Variants in CDH13 observed in about 807,000 individuals in gnomAD.
CDH13 encodes the protein cadherin 13.
Under a neutral mutation model 63.8 loss-of-function variants are expected in CDH13, and 24 were observed. That is an observed-to-expected ratio of 0.38 (90% CI 0.27 to 0.53). CDH13 has a LOEUF of 0.53. Among genes scored for constraint, CDH13 ranks in the 20% least tolerant of loss-of-function variants. CDH13 has a pLI of 0.85. For missense variants in CDH13, 1,049 were observed against 903.1 expected (o/e 1.16, Z -2.07); for synonymous variants, 503 against 355.3 (o/e 1.42, Z -4.67).
chr16:83,588,186 G>A (rs959247805), intron 7 of CDH13, among the ~76,000 whole-genome samples: 4 of 152,110 alleles, frequency 2.6e-5, no homozygotes, highest in African/African-American at 9.7e-5. Context: ...AAAGGAGAAG[G>A]ACCTTCCCTG....
intron 2 of CDH13, among the ~76,000 whole-genome samples, chr16:82,888,607 T>C (rs1003603231): frequency 6.6e-6 from 1 of 152,174 alleles, no homozygotes; most frequent in East Asian, 1.9e-4. Flanking sequence ...TCAGAAAAGC[T>C]TGGAGGAAGA....
intron 5 of CDH13, among the ~76,000 whole-genome samples, chr16:83,279,842 A>ATTT (rs35396123): frequency 0.037 from 5,513 of 149,936 alleles, 339 homozygotes; most frequent in African/African-American, 0.13. Flanking sequence ...GAGTCACATG[A>ATTT]TTTTTTTTTT....
At chr16:83,631,386 T>C (rs910957230) in intron 8 of CDH13, among the ~76,000 whole-genome samples, 1 of 152,204 alleles carries the variant, frequency 6.6e-6, no homozygotes, top group African/African-American at 2.4e-5. Flanking sequence ...GTGGCCCTGT[T>C]GCTTGGAGAA....
chr16:83,497,899 G>A (rs924554992), intron 7 of CDH13, among the ~76,000 whole-genome samples: 3 of 152,146 alleles, frequency 2.0e-5, no homozygotes, highest in Non-Finnish European at 4.4e-5. Context: ...TCACCTTGAA[G>A]TTTGATTATA....
intron 1 of CDH13, among the ~76,000 whole-genome samples, chr16:82,677,971 A>T (rs1597298119): frequency 6.6e-6 from 1 of 152,226 alleles, no homozygotes; most frequent in East Asian, 1.9e-4. Flanking sequence ...GATATGATCC[A>T]GAAAATCTAT....
At position 83,434,077 on chromosome 16, in the gene CDH13, C is replaced by G. The variant is rs576239407; in HGVS notation, c.782-52400C>G. ...AAGTGCAGTACAAGGCTCATTACTC[C>G]AGTGCAGAATAAATTGTCCAAAGTA... On this transcript the variant is annotated intron_variant, in intron 6 of 13. Coordinates refer to ENST00000567109, the MANE Select transcript of CDH13 (RefSeq NM_001257.5). 2.6e-5 allele frequency among the ~76,000 whole-genome samples: 4 copies of G among 152,196 alleles called. No homozygotes were observed. In the South Asian group the frequency reaches 8.3e-4, roughly 32 times the overall value.
chr16:82,781,617 T>C (rs2035757894), intron 1 of CDH13, among the ~76,000 whole-genome samples: 1 of 152,146 alleles, frequency 6.6e-6, no homozygotes, highest in South Asian at 2.1e-4. Flanking sequence ...TCTATCCATC[T>C]ACCCATCCAT....
In CDH13 at chr16:83,341,994, CACA is replaced by C. The variant is rs778681547; in HGVS notation, c.637-2867_637-2865del. 1.6e-3 allele frequency among the ~76,000 whole-genome samples: 204 copies of C among 126,560 alleles called. 1 individual carries two copies. The highest frequency in any genetic ancestry group is 0.012 in the East Asian group (41 of 3,412). The allele number at this position is 126,560 out of a possible 152,430, so 83.0% of individuals were successfully genotyped here. A position where few individuals can be genotyped will look rare whatever the true frequency, so the allele number is the denominator to read the frequency against. On this transcript the variant is annotated intron_variant, in intron 5 of 13. Coordinates refer to ENST00000567109, the MANE Select transcript of CDH13 (RefSeq NM_001257.5). ...TTTTGAATAGGTGTCCCCTGCCACA[CACA>C]CACACACACACACACACACACACAC...
chr16:83,086,992 A>C (rs1025531201), intron 3 of CDH13, among the ~76,000 whole-genome samples: 4 of 152,252 alleles, frequency 2.6e-5, no homozygotes, highest in African/African-American at 9.6e-5. Context: ...ACTTCCTGTC[A>C]AAAATACACA....
At chr16:82,861,502 A>G (rs2039944815) in intron 2 of CDH13, among the ~76,000 whole-genome samples, 1 of 152,060 alleles carries the variant, frequency 6.6e-6, no homozygotes. Flanking sequence ...GGTTATGGGG[A>G]ATGTTTATTC....
At chr16:83,492,921 C>G (rs546903753) in intron 7 of CDH13, among the ~76,000 whole-genome samples, 1 of 152,162 alleles carries the variant, frequency 6.6e-6, no homozygotes, top group Non-Finnish European at 1.5e-5. Flanking sequence ...AAGCTAAGAC[C>G]GTGGCTAGTC....
At chr16:83,087,999 G>T (rs534818325) in intron 3 of CDH13, among the ~76,000 whole-genome samples, 3 of 152,254 alleles carry the variant, frequency 2.0e-5, no homozygotes, top group African/African-American at 7.2e-5. Context: ...AGCCTTCAGC[G>T]GCTACATTTG....
At chr16:83,200,432 T>G (rs1248274650) in intron 4 of CDH13, among the ~76,000 whole-genome samples, 1 of 152,168 alleles carries the variant, frequency 6.6e-6, no homozygotes, top group Non-Finnish European at 1.5e-5. Context: ...ATTCAACCAC[T>G]TACTGGGTTG....
chr16:83,499,832 C>T (rs773719799), intron 7 of CDH13, among the ~76,000 whole-genome samples: 2 of 151,462 alleles, frequency 1.3e-5, no homozygotes, highest in Non-Finnish European at 2.9e-5. Flanking sequence ...GACGAAGTCT[C>T]GCTATTATTG....
intron 5 of CDH13, among the ~76,000 whole-genome samples, chr16:83,233,354 C>A (rs1199556860): frequency 1.3e-5 from 2 of 152,276 alleles, no homozygotes; most frequent in East Asian, 3.9e-4. Flanking sequence ...CTTGGCTAGT[C>A]CTTCACAGAT....
intron 3 of CDH13, among the ~76,000 whole-genome samples, chr16:83,124,526 A>ATTT (rs796542234): frequency 1.5e-5 from 2 of 133,816 alleles, no homozygotes; most frequent in African/African-American, 2.7e-5. Context: ...TGAATTGTCC[A>ATTT]TTTTTTTTTT....
intron 4 of CDH13, among the ~76,000 whole-genome samples, chr16:83,135,104 TAATG>T (rs1481049715): frequency 1.5e-4 from 23 of 152,230 alleles, no homozygotes; most frequent in African/African-American, 4.8e-4. Context: ...GTTCACTACC[TAATG>T]AATGTCTGGA....
At chr16:82,680,806 G>C (rs1914460085) in intron 1 of CDH13, among the ~76,000 whole-genome samples, 2 of 152,172 alleles carry the variant, frequency 1.3e-5, no homozygotes, top group Non-Finnish European at 2.9e-5. Context: ...AAGGAGAAGG[G>C]GGCCAATGGA....
chr16:83,028,020 G>A (rs187159891), intron 2 of CDH13, among the ~76,000 whole-genome samples: 1 of 152,246 alleles, frequency 6.6e-6, no homozygotes. Context: ...GTGGGAAGAA[G>A]AAACTTAGCT....
Sources: allele counts gnomAD v4.1 joint callset (sites outside exome capture counted in the v4.1 genomes callset), GRCh38; gene constraint gnomAD v4.1.1; transcripts MANE v1.5; gene names NCBI Gene and HGNC (gene_info 2026-07-23, HGNC 2026-07-21).